Variants in OLFML1 observed in about 807,000 individuals in gnomAD.
The protein encoded by OLFML1 is olfactomedin like 1.
A neutral mutation model predicts 37.3 loss-of-function variants in OLFML1; 33 were observed. The ratio of observed to expected loss-of-function variants is 0.88; its 90% confidence interval spans 0.67 to 1.18. OLFML1 has a LOEUF of 1.18. OLFML1 is among the 50% of genes most tolerant of loss of function. The pLI, the probability that OLFML1 is intolerant of heterozygous loss-of-function variation, is 0.00. For synonymous variants in OLFML1, 186 were observed against 181.3 expected, an observed-to-expected ratio of 1.03 and a Z score of -0.21; for missense variants, 545 against 483.7, an observed-to-expected ratio of 1.13 and a Z score of -1.19.
Position 7,511,062 on chromosome 11 carries a change from T to C in OLFML1, c.*874T>C, listed in dbSNP as rs1416092986. 6.6e-6 allele frequency: 1 copy of C among 152,210 alleles called. No homozygotes were observed. The highest frequency in any genetic ancestry group is 2.4e-5 in the African/African-American group (1 of 41,442). 9.4% of individuals were successfully genotyped at this position (152,210 alleles called of 1,614,324 possible). A position where few individuals can be genotyped will look rare whatever the true frequency, so the allele number is the denominator to read the frequency against. On this transcript the variant is annotated 3_prime_UTR_variant, in exon 3 of 3. Coordinates refer to ENST00000329293, the MANE Select transcript of OLFML1 (RefSeq NM_198474.4). ...CAGCTAGAAAATACTACAAATCCCA[T>C]AGTTTTTCCATTGCCCAAGGAAGCA...
At chr11:7,490,312 A>G (rs1335772602) in intron 2 of OLFML1, among the ~76,000 whole-genome samples, 1 of 152,062 alleles carries the variant, frequency 6.6e-6, no homozygotes, top group Non-Finnish European at 1.5e-5. Context: ...AGAGTGAGGG[A>G]AGGAAATGGG....
chr11:7,504,126 C>T (rs778063862), intron 2 of OLFML1, among the ~76,000 whole-genome samples: 36 of 151,854 alleles, frequency 2.4e-4, no homozygotes, highest in Non-Finnish European at 4.4e-4. Context: ...TATAGGGTGA[C>T]GGGAAAAGGT....
chr11:7,486,182 T>C (rs766125497), intron 1 of OLFML1, among the ~76,000 whole-genome samples, 178 bp downstream of exon 1: 1 of 152,224 alleles, frequency 6.6e-6, no homozygotes, highest in Non-Finnish European at 1.5e-5. Flanking sequence ...CAGAGTCCAG[T>C]GTGCTACTTC....
intron 2 of OLFML1, among the ~76,000 whole-genome samples, chr11:7,501,604 G>A (rs368195351): frequency 6.6e-6 from 1 of 152,212 alleles, no homozygotes; most frequent in Non-Finnish European, 1.5e-5. Flanking sequence ...CTGACTTGCT[G>A]AGACTCAGCT....
chr11:7,508,510 T>A (rs1431440300), intron 2 of OLFML1, among the ~76,000 whole-genome samples: 9 of 152,192 alleles, frequency 5.9e-5, no homozygotes, highest in Admixed American at 4.6e-4. Context: ...CAAAGGACAT[T>A]TCCTTTCCCT....
At chr11:7,487,323 GA>G (rs1489101622) in intron 1 of OLFML1, among the ~76,000 whole-genome samples, 1 of 152,136 alleles carries the variant, frequency 6.6e-6, no homozygotes, top group African/African-American at 2.4e-5. Flanking sequence ...GGAGGGGTAG[GA>G]AAAAAGAGGG....
At chr11:7,508,954 A>G (rs1848818291) in intron 2 of OLFML1, among the ~76,000 whole-genome samples, 1 of 152,246 alleles carries the variant, frequency 6.6e-6, no homozygotes, top group Non-Finnish European at 1.5e-5. Flanking sequence ...AACAGCAAAT[A>G]GCTGTTAATA....
rs747811478 is a variant in OLFML1, at chr11:7,510,062, C to A, written c.1083C>A (p.Phe361Leu). 6.2e-7 allele frequency: 1 copy of A among 1,614,228 alleles called. No homozygotes were observed. The highest frequency in any genetic ancestry group is 1.1e-5 in the South Asian group (1 of 91,086). Residue 361 changes from phenylalanine to leucine, a missense_variant, in exon 3 of 3, where the codon TTC becomes TTA. Phe to Leu is a conservative substitution (Grantham distance 22). Transcript: ENST00000329293. ...AGGAGGACTTGCCCAACTTGTTCTTCCCCAAGAGACCAAGAAGTCACTCCA... is the reference window on the plus strand; with the variant it reads ...AGGAGGACTTGCCCAACTTGTTCTTACCCAAGAGACCAAGAAGTCACTCCA... ...ISEEDLPNLF[F>L]PKRPRSHSMI...
chr11:7,497,196 T>C (rs78696961), intron 2 of OLFML1, among the ~76,000 whole-genome samples: 6,772 of 152,256 alleles, frequency 0.044, 218 homozygotes, highest in Non-Finnish European at 0.072. Flanking sequence ...GTTATAACTA[T>C]TGATATTTAC....
At position 7,509,999 on chromosome 11, in the gene OLFML1, C is replaced by G; in HGVS notation, c.1020C>G (p.Arg340=). 2 of 1,614,246 alleles carry G rather than the reference C, an allele frequency of 1.2e-6. No individual in the cohort carries two copies. Among genetic ancestry groups the G allele is most frequent in the Non-Finnish European group, 1.7e-6 (2 of 1,180,048 alleles). ...VYSTGGQGPH[R]ITCIYDPLGT... ...GTACTGGGGGCCAGGGCCCTCATCG[C>G]ATCACCTGCATCTATGATCCACTGG... The change falls in exon 3 of 3, where the codon CGC becomes CGG. Residue 340 remains arginine (R), a synonymous_variant. Transcript: ENST00000329293.
At chr11:7,486,047 A>C in intron 1 of OLFML1, 43 bp downstream of exon 1, 1 of 1,586,040 alleles carries the variant, frequency 6.3e-7, no homozygotes, top group Non-Finnish European at 8.6e-7. Context: ...CAGGCTTCCC[A>C]GAAGTACCTT....
At chr11:7,488,560 T>G (rs1417379080) in intron 2 of OLFML1, 145 bp downstream of exon 2, 1 of 638,512 alleles carries the variant, frequency 1.6e-6, no homozygotes, top group African/African-American at 1.8e-5. Context: ...GAGAGAAAGC[T>G]ATACAGAGAA....
intron 2 of OLFML1, among the ~76,000 whole-genome samples, chr11:7,493,365 A>G (rs960208336): frequency 1.3e-5 from 2 of 152,254 alleles, no homozygotes; most frequent in African/African-American, 4.8e-5. Flanking sequence ...TTAACCAAAT[A>G]AAATGTATCT....
chr11:7,505,076 C>T lies in OLFML1; in HGVS notation c.419-4322C>T, dbSNP rs933380467. Among the ~76,000 whole-genome samples the T allele has an allele frequency of 7.3e-5, 11 of 151,366 alleles. No homozygotes were observed. The East Asian group carries it at 9.7e-4, about 13-fold the overall frequency. ...CTGAGTAGCTGGGACTACAGGTACA[C>T]GCCCCCACACCTAGCTAATTATTGT... On this transcript the variant is annotated intron_variant, in intron 2 of 2. Transcript: ENST00000329293.
chr11:7,506,545 T>C (rs1197372375), intron 2 of OLFML1, among the ~76,000 whole-genome samples: 1 of 152,022 alleles, frequency 6.6e-6, no homozygotes, highest in Non-Finnish European at 1.5e-5. Flanking sequence ...AAGATAGCTA[T>C]TGTGTGAAGA....
At chr11:7,507,866 C>T (rs569751057) in intron 2 of OLFML1, among the ~76,000 whole-genome samples, 65 of 152,302 alleles carry the variant, frequency 4.3e-4, no homozygotes, top group African/African-American at 1.5e-3. Context: ...CTTTTAACTC[C>T]TCCAAAACTT....
chr11:7,488,678 A>G (rs12806262), intron 2 of OLFML1: 51,159 of 237,108 alleles, frequency 0.22, 5,902 homozygotes, highest in Non-Finnish European at 0.24. Flanking sequence ...GTCAGCCCAA[A>G]GAGACTACCT....
chr11:7,489,684 A>T (rs1848572605), intron 2 of OLFML1, among the ~76,000 whole-genome samples: 1 of 152,186 alleles, frequency 6.6e-6, no homozygotes, highest in Admixed American at 6.5e-5. Context: ...GACAGAGAAC[A>T]GGTGGATTTG....
intron 1 of OLFML1, among the ~76,000 whole-genome samples, chr11:7,487,238 G>A (rs1484586771): frequency 6.6e-6 from 1 of 152,214 alleles, no homozygotes; most frequent in Non-Finnish European, 1.5e-5. Context: ...CCAAGTCGCA[G>A]GTGGCAGTCA....
Sources: gnomAD v4.1 joint callset for allele counts (sites outside exome capture counted in the v4.1 genomes callset) on GRCh38, gnomAD v4.1.1 for gene constraint, MANE v1.5 for transcripts, NCBI Gene and HGNC (gene_info 2026-07-23, HGNC 2026-07-21) for gene names.